GPC3: variants seen among roughly 807,000 people sequenced by gnomAD.
GPC3 encodes glypican-3.
A neutral mutation model predicts 34.4 loss-of-function variants in GPC3; 3 were observed. The ratio of observed to expected loss-of-function variants is 0.09; its 90% CI spans 0.04 to 0.23. The LOEUF (loss-of-function observed/expected upper bound fraction) is 0.23, where lower values mean the gene tolerates loss of function less well. GPC3 is among the 10% of genes least tolerant of loss of function. The pLI is 1.00. For missense variants in GPC3, 351 were observed against 445.6 expected (o/e 0.79, Z 1.91); for synonymous variants, 177 against 174.0 (o/e 1.02, Z -0.13).
At chrX:133,850,194 G>GTTTTTTT (rs749809263) in intron 2 of GPC3, among the ~76,000 whole-genome samples, 20 of 67,970 alleles carry the variant, frequency 2.9e-4, no homozygotes, top group East Asian at 9.8e-4. Flanking sequence ...TTTGGGTTTT[G>GTTTTTTT]TTTTTTTTTT....
intron 2 of GPC3, among the ~76,000 whole-genome samples, chrX:133,853,901 T>C (rs947721919): frequency 1.8e-5 from 2 of 112,128 alleles, no homozygotes; most frequent in African/African-American, 6.5e-5. Context: ...TATGCTCTTA[T>C]AGAAGCTACA....
At chrX:133,880,787 G>A (rs2076038324) in intron 2 of GPC3, among the ~76,000 whole-genome samples, 1 of 111,582 alleles carries the variant, frequency 9.0e-6, no homozygotes, top group Admixed American at 9.6e-5. Context: ...ATGCTGAAAT[G>A]AAGTTATTTA....
At chrX:133,860,202 G>A (rs921294487) in intron 2 of GPC3, among the ~76,000 whole-genome samples, 1 of 111,386 alleles carries the variant, frequency 9.0e-6, no homozygotes, top group Non-Finnish European at 1.9e-5. Context: ...AATCACTGAG[G>A]CTTTCGTTCA....
At chrX:133,662,165 G>A (rs761883001) in intron 5 of GPC3, among the ~76,000 whole-genome samples, 2 of 111,684 alleles carry the variant, frequency 1.8e-5, no homozygotes, top group Non-Finnish European at 1.9e-5. Context: ...CAATGACCAG[G>A]CAGAGTGATT....
chrX:133,728,447 A>G (rs1327716134), intron 3 of GPC3, among the ~76,000 whole-genome samples: 2 of 112,331 alleles, frequency 1.8e-5, no homozygotes, highest in African/African-American at 6.5e-5. Context: ...CTTCTAGGAT[A>G]TGTAATTCTC....
At chrX:133,668,531 G>T (rs2070792702) in intron 5 of GPC3, among the ~76,000 whole-genome samples, 1 of 110,074 alleles carries the variant, frequency 9.1e-6, no homozygotes, top group Admixed American at 9.7e-5. Context: ...TGAGGTCTTT[G>T]AAGGCAGAGG....
intron 2 of GPC3, among the ~76,000 whole-genome samples, chrX:133,838,612 T>C (rs2075809880): frequency 8.9e-6 from 1 of 112,621 alleles, no homozygotes; most frequent in African/African-American, 3.2e-5. Context: ...AATTTCTCCA[T>C]CCTTTATACA....
chrX:133,775,425 G>T (rs2071969343), intron 2 of GPC3, among the ~76,000 whole-genome samples: 1 of 111,558 alleles, frequency 9.0e-6, no homozygotes, highest in Non-Finnish European at 1.9e-5. Context: ...GCCCCTGTAA[G>T]TTGCTTCCAT....
intron 5 of GPC3, among the ~76,000 whole-genome samples, chrX:133,668,053 C>A (rs1321493591): frequency 1.8e-5 from 2 of 108,209 alleles, no homozygotes; most frequent in African/African-American, 6.7e-5. Flanking sequence ...AGGCGCCCTG[C>A]CACCACACCT....
chrX:133,977,233 G>T (rs2076520480), intron 1 of GPC3, among the ~76,000 whole-genome samples: 1 of 111,496 alleles, frequency 9.0e-6, no homozygotes, highest in Admixed American at 9.5e-5. Context: ...CACTCTAGAG[G>T]ATATCATGAT....
At chrX:133,573,849 C>T (rs1211120094) in intron 7 of GPC3, among the ~76,000 whole-genome samples, 2 of 112,285 alleles carry the variant, frequency 1.8e-5, no homozygotes, top group Non-Finnish European at 3.8e-5. Flanking sequence ...TTTGTTCCTA[C>T]TCTTTGTTCC....
At chrX:133,678,025 C>A (rs1039272771) in intron 5 of GPC3, among the ~76,000 whole-genome samples, 1 of 110,965 alleles carries the variant, frequency 9.0e-6, no homozygotes, top group Admixed American at 9.6e-5. Flanking sequence ...AGGCATTTGA[C>A]AGGCAGGACA....
At chrX:133,661,882 C>A in intron 5 of GPC3, 32 bp from the exon 6 acceptor site, 1 of 1,198,100 alleles carries the variant, frequency 8.3e-7, no homozygotes, top group South Asian at 1.8e-5. Flanking sequence ...AAAGGTTTGT[C>A]AAAGAAAGTC....
At chrX:133,794,683 C>T (rs1221943201) in intron 2 of GPC3, among the ~76,000 whole-genome samples, 2 of 111,820 alleles carry the variant, frequency 1.8e-5, no homozygotes, top group Admixed American at 9.5e-5. Flanking sequence ...CCTTCACAAC[C>T]GCCTCACATG....
chrX:133,933,762 T>C (rs1459633338), intron 2 of GPC3, among the ~76,000 whole-genome samples: 1 of 110,744 alleles, frequency 9.0e-6, no homozygotes, highest in Non-Finnish European at 1.9e-5. Context: ...CCTTCCACCA[T>C]GAGTAAAAGC....
At chrX:133,646,462 A>G (rs2070546405) in intron 6 of GPC3, among the ~76,000 whole-genome samples, 1 of 111,955 alleles carries the variant, frequency 8.9e-6, no homozygotes, top group African/African-American at 3.2e-5. Context: ...AAAGATTTTG[A>G]TCACTTCATT....
intron 6 of GPC3, among the ~76,000 whole-genome samples, chrX:133,632,510 A>T (rs921361074): frequency 6.3e-5 from 7 of 111,694 alleles, no homozygotes; most frequent in African/African-American, 1.9e-4. Flanking sequence ...TAATTTCTAA[A>T]TTTCTCCAAT....
chrX:133,977,609 G>C (rs2076521927), intron 1 of GPC3, among the ~76,000 whole-genome samples: 1 of 112,198 alleles, frequency 8.9e-6, no homozygotes, highest in Non-Finnish European at 1.9e-5. Context: ...AGGGTGACAT[G>C]ATACACACTG....
At chrX:133,608,233 G>A (rs751713210) in intron 6 of GPC3, among the ~76,000 whole-genome samples, 1 of 113,009 alleles carries the variant, frequency 8.8e-6, no homozygotes, top group South Asian at 3.6e-4. Context: ...AGGTCTCTGA[G>A]CCTTGCTACC....
Sources: gnomAD v4.1 joint callset for allele counts (sites outside exome capture counted in the v4.1 genomes callset) on GRCh38, gnomAD v4.1.1 for gene constraint, MANE v1.5 for transcripts, NCBI Gene and HGNC (gene_info 2026-07-23, HGNC 2026-07-21) for gene names.